The following RASGRP3 variants were observed in gnomAD, a reference collection of about 807,000 sequenced individuals.
RASGRP3 encodes the protein RAS guanyl releasing protein 3.
Under a neutral mutation model 82.7 loss-of-function variants are expected in RASGRP3, and 54 were observed. The ratio of observed to expected loss-of-function variants is 0.65; its 90% confidence interval spans 0.52 to 0.82. The LOEUF is 0.82. Ranked by LOEUF, RASGRP3 falls within the 40% of genes least tolerant of loss-of-function variation. The pLI, the probability that RASGRP3 is intolerant of heterozygous loss-of-function variation, is 0.00. For synonymous variants in RASGRP3, 309 were observed against 300.5 expected (o/e 1.03, Z -0.29); for missense variants, 861 against 828.9 (o/e 1.04, Z -0.48).
At chr2:33,529,540 A>T (rs934439032) in intron 10 of RASGRP3, among the ~76,000 whole-genome samples, 16 of 151,614 alleles carry the variant, frequency 1.1e-4, no homozygotes, top group Non-Finnish European at 2.2e-4. Flanking sequence ...CTCTAGAAAT[A>T]AAGGCTAAGA....
intron 1 of RASGRP3, among the ~76,000 whole-genome samples, chr2:33,447,233 G>A (rs1035748791): frequency 1.3e-5 from 2 of 152,136 alleles, no homozygotes; most frequent in Admixed American, 6.5e-5. Flanking sequence ...GAGAATCAGG[G>A]ACCTACAAAT....
intron 1 of RASGRP3, among the ~76,000 whole-genome samples, chr2:33,508,200 A>C (rs1670581181): frequency 1.3e-5 from 2 of 152,286 alleles, no homozygotes; most frequent in Non-Finnish European, 2.9e-5. Context: ...TCACTTTGGC[A>C]GTATTGATTT....
At chr2:33,551,924 C>G (rs1452782475) in intron 14 of RASGRP3, among the ~76,000 whole-genome samples, 1 of 152,068 alleles carries the variant, frequency 6.6e-6, no homozygotes, top group Non-Finnish European at 1.5e-5. Flanking sequence ...ACCCGGGAGG[C>G]GGAGCTTGCA....
intron 1 of RASGRP3, among the ~76,000 whole-genome samples, chr2:33,445,574 C>T (rs1023975975): frequency 2.0e-4 from 31 of 151,998 alleles, no homozygotes; most frequent in Admixed American, 6.5e-5. Flanking sequence ...CATACTGCAC[C>T]TAAAATGCCA....
At chr2:33,463,334 A>C (rs1453221440) in intron 2 of RASGRP3, among the ~76,000 whole-genome samples, 2 of 152,230 alleles carry the variant, frequency 1.3e-5, no homozygotes, top group African/African-American at 4.8e-5. Context: ...CAAGTGAATT[A>C]TAATAAGTAA....
rs17013186 is a variant in RASGRP3, at chr2:33,512,561, C to G, written c.-128+719C>G. On this transcript the variant is annotated intron_variant, in intron 2 of 17. Transcript: ENST00000403687. ...TTCTAATGATGAATATAGGCAGATT[C>G]TATTAAGTTTAGAAAACTGGCAGAA... is the stretch of plus-strand genomic sequence containing the variant. Among the ~76,000 whole-genome samples, 1,466 of 152,286 alleles carry G rather than the reference C, an allele frequency of 9.6e-3. 27 individuals are homozygous for G. Among genetic ancestry groups the G allele is most frequent in the African/African-American group, 0.034 (1,395 of 41,548 alleles).
At chr2:33,544,722 C>G (rs913605285) in intron 13 of RASGRP3, among the ~76,000 whole-genome samples, 8 of 151,964 alleles carry the variant, frequency 5.3e-5, no homozygotes, top group Non-Finnish European at 1.0e-4. Context: ...GAGCCGGATG[C>G]GATACCTCAC....
chr2:33,527,239 G>A lies in RASGRP3; in HGVS notation c.910G>A (p.Val304Ile), dbSNP rs1448428671. The A allele has an allele frequency of 1.9e-6, 3 of 1,614,054 alleles. No homozygotes were observed. In the Admixed American group the frequency reaches 5.0e-5, roughly 27 times the overall value. Residue 304 changes from valine to isoleucine, a missense_variant, in exon 10 of 18, where the codon GTA becomes ATA. Transcript: ENST00000403687. Reference protein sequence around the residue: ...CDGFKIPILGVHLKDLIAVHV... With the variant: ...CDGFKIPILGIHLKDLIAVHV... ...TGGCTTCAAAATCCCCATCCTTGGA[G>A]TACACTTGAAAGACTTGATAGCTGT...
rs114439276 is a variant in RASGRP3, at chr2:33,460,091, C to A, written c.-261+12148C>A. 2.5e-3 allele frequency among the ~76,000 whole-genome samples: 381 copies of A among 152,256 alleles called. 3 individuals are homozygous for A. Among genetic ancestry groups the A allele is most frequent in the African/African-American group, 8.9e-3 (369 of 41,550 alleles). On this transcript the variant is annotated intron_variant, in intron 2 of 18. Coordinates refer to the RASGRP3 transcript ENST00000402538. ...CATTAGCAACTAAAGATACATGTAC[C>A]AGGATGTTTAGTGCAACACTGTTCA...
At position 33,555,593 on chromosome 2, in the gene RASGRP3, T is replaced by C. The variant is rs571272904; in HGVS notation, c.1579+26T>C. ...GTAAATCAATGTTATTTTGTTACAATTTTTAAAATGTGACATTTTGGGTAA... is the reference window on the plus strand; with the variant it reads ...GTAAATCAATGTTATTTTGTTACAACTTTTAAAATGTGACATTTTGGGTAA... On this transcript the variant is annotated intron_variant, in intron 15 of 17. Coordinates refer to ENST00000403687, the MANE Select transcript of RASGRP3 (RefSeq NM_001139488.2). 2.6e-6 allele frequency: 4 copies of C among 1,544,702 alleles called. No homozygotes were observed. The Admixed American group carries it at 5.4e-5, about 21-fold the overall frequency.
intron 1 of RASGRP3, among the ~76,000 whole-genome samples, chr2:33,486,276 G>A (rs866767200): frequency 6.6e-6 from 1 of 151,628 alleles, no homozygotes; most frequent in East Asian, 1.9e-4. Context: ...CGATTCTCCT[G>A]CCTCAGCCTC....
Position 33,547,003 on chromosome 2 carries a change from C to T in RASGRP3, c.1395-2601C>T, listed in dbSNP as rs564634024. Among the ~76,000 whole-genome samples, 31 of 146,138 alleles carry T rather than the reference C, an allele frequency of 2.1e-4. No homozygotes were observed. In the South Asian group the frequency reaches 4.3e-3, roughly 20 times the overall value. On this transcript the variant is annotated intron_variant, in intron 13 of 17. Coordinates refer to ENST00000403687, the MANE Select transcript of RASGRP3 (RefSeq NM_001139488.2). ...GGGAGAGGTTGTGGTGAGCCAAGATCGCACCATTGCACTCCAGCCTGGGTA... is the reference window on the plus strand; with the variant it reads ...GGGAGAGGTTGTGGTGAGCCAAGATTGCACCATTGCACTCCAGCCTGGGTA...
intron 2 of RASGRP3, among the ~76,000 whole-genome samples, chr2:33,468,195 A>G (rs556196288): frequency 6.6e-6 from 1 of 152,212 alleles, no homozygotes; most frequent in Non-Finnish European, 1.5e-5. Context: ...CAGTAGATAA[A>G]TGCTGATGAG....
At chr2:33,447,239 CAAATGAGTTG>C (rs1665551149) in intron 1 of RASGRP3, among the ~76,000 whole-genome samples, 1 of 151,968 alleles carries the variant, frequency 6.6e-6, no homozygotes, top group African/African-American at 2.4e-5. Context: ...CAGGGACCTA[CAAATGAGTTG>C]AGATTATGTA....
intron 9 of RASGRP3, 24 bp downstream of exon 9, chr2:33,524,572 A>G (rs764854658): frequency 6.7e-7 from 1 of 1,490,114 alleles, no homozygotes; most frequent in Non-Finnish European, 9.1e-7. Flanking sequence ...GATCCTAATC[A>G]AAAGTAAAAA....
intron 12 of RASGRP3, among the ~76,000 whole-genome samples, chr2:33,542,264 A>G (rs989697528): frequency 6.1e-5 from 9 of 147,008 alleles, no homozygotes; most frequent in African/African-American, 2.2e-4. Context: ...AAATTCCTAT[A>G]CATACATGGG....
At position 33,522,093 on chromosome 2, in the gene RASGRP3, A is replaced by C. The variant is rs1193381754; in HGVS notation, c.507A>C (p.Arg169Ser). Reference sequence around the variant, plus strand: ...CTTTTCTGGAGCATAAATCTTTTAGAAGGATCTCAGTAAGAAACTTGACAT... The same window carrying C: ...CTTTTCTGGAGCATAAATCTTTTAGCAGGATCTCAGTAAGAAACTTGACAT... ...HLTFLEHKSFRRISFTDYQSY... is the reference protein window; with the variant it reads ...HLTFLEHKSFSRISFTDYQSY... The change falls in exon 7 of 18, where the codon AGA becomes AGC. Residue 169 changes from arginine (R) to serine (S), a missense_variant. Arg to Ser is a moderately radical substitution (Grantham distance 110). Transcript: ENST00000403687. The C allele has an allele frequency of 6.2e-7, 1 of 1,605,428 alleles. No homozygotes were observed. Among genetic ancestry groups the C allele is most frequent in the African/African-American group, 1.3e-5 (1 of 74,378 alleles).
chr2:33,483,486 A>ATTTTTTT (rs202150682), intron 1 of RASGRP3, among the ~76,000 whole-genome samples: 2 of 125,932 alleles, frequency 1.6e-5, no homozygotes, highest in African/African-American at 5.9e-5. Context: ...TTTAGCCACT[A>ATTTTTTT]TTTTTTTTTT....
intron 14 of RASGRP3, among the ~76,000 whole-genome samples, chr2:33,552,584 A>C (rs572611587): frequency 6.6e-6 from 1 of 152,198 alleles, no homozygotes; most frequent in Non-Finnish European, 1.5e-5. Context: ...ATAGCTCTAT[A>C]GATGTGTCAT....
Sources: gnomAD v4.1 joint callset for allele counts (sites outside exome capture counted in the v4.1 genomes callset) on GRCh38, gnomAD v4.1.1 for gene constraint, MANE v1.5 for transcripts, NCBI Gene and HGNC (gene_info 2026-07-23, HGNC 2026-07-21) for gene names.